Variants in BBS9 observed in about 807,000 individuals in gnomAD.
BBS9 encodes the protein protein PTHB1.
In BBS9, 89 loss-of-function variants were observed where a neutral mutation model predicts 117.7. The ratio of observed to expected loss-of-function variants is 0.76; its 90% CI spans 0.64 to 0.90. The LOEUF is 0.90. BBS9 is among the 40% of genes least tolerant of loss of function. BBS9 has a pLI of 0.00. For missense variants in BBS9, 982 were observed against 1,042.2 expected (o/e 0.94, Z 0.80); for synonymous variants, 379 against 370.9 (o/e 1.02, Z -0.25).
At chr7:33,271,852 A>G (rs7798118) in intron 7 of BBS9, among the ~76,000 whole-genome samples, 17,207 of 152,144 alleles carry the variant, frequency 0.11, 1,151 homozygotes, top group African/African-American at 0.18. Context: ...TACTTGACCA[A>G]ATGGACCTAA....
At chr7:33,434,223 G>C (rs1584811910) in intron 19 of BBS9, among the ~76,000 whole-genome samples, 1 of 148,914 alleles carries the variant, frequency 6.7e-6, no homozygotes, top group African/African-American at 2.5e-5. Flanking sequence ...AAAAACTCTT[G>C]ATACATATTG....
intron 5 of BBS9, among the ~76,000 whole-genome samples, chr7:33,189,714 C>T (rs908551130): frequency 3.3e-5 from 5 of 151,416 alleles, no homozygotes; most frequent in African/African-American, 4.9e-5. Context: ...GGTGAAACCC[C>T]GCCTCTACTA....
intron 21 of BBS9, among the ~76,000 whole-genome samples, chr7:33,634,722 G>C (rs1289139774): frequency 7.9e-5 from 12 of 152,208 alleles, no homozygotes; most frequent in Non-Finnish European, 1.6e-4. Context: ...CTGAGCTGAG[G>C]ATGTGTAAGC....
intron 19 of BBS9, among the ~76,000 whole-genome samples, chr7:33,440,729 A>C (rs1006886041): frequency 6.6e-6 from 1 of 152,262 alleles, no homozygotes; most frequent in African/African-American, 2.4e-5. Context: ...ATTTTTGAAT[A>C]TGGAAAAATT....
intron 5 of BBS9, among the ~76,000 whole-genome samples, chr7:33,207,308 G>A (rs1415634012): frequency 6.6e-6 from 1 of 152,070 alleles, no homozygotes; most frequent in African/African-American, 2.4e-5. Context: ...TTTCCAAATT[G>A]GCACTTCCTT....
At chr7:33,323,756 T>A (rs1390054410) in intron 9 of BBS9, among the ~76,000 whole-genome samples, 1 of 151,758 alleles carries the variant, frequency 6.6e-6, no homozygotes, top group African/African-American at 2.4e-5. Context: ...TCATTATTAA[T>A]AATTAAGGAC....
At position 33,514,134 on chromosome 7, in the gene BBS9, T is replaced by C. The variant is rs748538971; in HGVS notation, c.2298+8489T>C. Among the ~76,000 whole-genome samples the C allele has an allele frequency of 2.1e-3, 316 of 152,282 alleles. 3 individuals are homozygous for C. Among genetic ancestry groups the C allele is most frequent in the Non-Finnish European group, 1.1e-3 (74 of 68,022 alleles). Reference sequence around the variant, plus strand: ...TGAACAGAATTAGGTCAGACTGGGGTTCAAATCCCTTTTGGAACAAATACT... The same window carrying C: ...TGAACAGAATTAGGTCAGACTGGGGCTCAAATCCCTTTTGGAACAAATACT... On this transcript the variant is annotated intron_variant, in intron 20 of 22. Coordinates refer to ENST00000242067, the MANE Select transcript of BBS9 (RefSeq NM_198428.3).
At chr7:33,628,948 C>T (rs1340864188) in intron 21 of BBS9, among the ~76,000 whole-genome samples, 2 of 152,150 alleles carry the variant, frequency 1.3e-5, no homozygotes, top group East Asian at 3.8e-4. Flanking sequence ...ACAGTAAATG[C>T]AATGTAACAA....
chr7:33,605,287 C>A lies in BBS9; in HGVS notation c.*61C>A. On this transcript the variant is annotated 3_prime_UTR_variant, in exon 23 of 23. Coordinates refer to ENST00000242067, the MANE Select transcript of BBS9 (RefSeq NM_198428.3). ...CATCTCAAGGCCGAACCTGTGTGAA[C>A]CTCATGCCAAGCACAGATATAGGGC... 1 of 1,531,614 alleles carries A rather than the reference C, an allele frequency of 6.5e-7. No homozygotes were observed. The highest frequency in any genetic ancestry group is 2.2e-5 in the East Asian group (1 of 44,474). 94.9% of individuals were successfully genotyped at this position (1,531,614 alleles called of 1,614,324 possible). A position where few individuals can be genotyped will look rare whatever the true frequency, so the allele number is the denominator to read the frequency against.
At chr7:33,250,751 G>A (rs1796095646) in intron 5 of BBS9, among the ~76,000 whole-genome samples, 1 of 152,096 alleles carries the variant, frequency 6.6e-6, no homozygotes, top group Admixed American at 6.5e-5. Flanking sequence ...GCCAATCTGA[G>A]GTACAGATGA....
chr7:33,567,484 C>G (rs557171036), intron 21 of BBS9, among the ~76,000 whole-genome samples: 2 of 152,124 alleles, frequency 1.3e-5, no homozygotes, highest in Non-Finnish European at 2.9e-5. Flanking sequence ...CATCACTTTC[C>G]ACTGATTGTC....
intron 19 of BBS9, among the ~76,000 whole-genome samples, chr7:33,442,909 A>G (rs1009064443): frequency 5.9e-5 from 9 of 152,224 alleles, no homozygotes; most frequent in Non-Finnish European, 1.2e-4. Context: ...AACACTCCTT[A>G]GAAATAGCTT....
chr7:33,394,022 A>G lies in BBS9; in HGVS notation c.2115+5878A>G, dbSNP rs1584637395. ...TTGCCTACATAGTGTCTACTACTGC[A>G]TCATACTCCACTAGGAACATACAAC... On this transcript the variant is annotated intron_variant, in intron 19 of 22. Transcript: ENST00000242067. Among the ~76,000 whole-genome samples, 2 of 152,292 alleles carry G rather than the reference A, an allele frequency of 1.3e-5. 1 individual carries two copies. The highest frequency in any genetic ancestry group is 6.8e-3 in the Middle Eastern group (2 of 294).
chr7:33,185,468 T>C (rs1392202857), intron 5 of BBS9, among the ~76,000 whole-genome samples: 1 of 152,250 alleles, frequency 6.6e-6, no homozygotes, highest in East Asian at 1.9e-4. Flanking sequence ...TTTTTTCCAA[T>C]ATGAAAGTAG....
At chr7:33,325,138 A>G (rs1027483194) in intron 9 of BBS9, among the ~76,000 whole-genome samples, 5 of 152,130 alleles carry the variant, frequency 3.3e-5, no homozygotes, top group African/African-American at 1.2e-4. Context: ...GCTATTTTCT[A>G]GATCTTGTAG....
chr7:33,508,961 C>T (rs908372000), intron 20 of BBS9, among the ~76,000 whole-genome samples: 2 of 152,312 alleles, frequency 1.3e-5, no homozygotes, highest in African/African-American at 4.8e-5. Context: ...TTAGTCTCTC[C>T]TGAAAGCCCC....
chr7:33,431,880 T>G (rs938621977), intron 19 of BBS9, among the ~76,000 whole-genome samples: 1 of 152,138 alleles, frequency 6.6e-6, no homozygotes, highest in African/African-American at 2.4e-5. Flanking sequence ...CTGGGCATCT[T>G]TTTATAATAT....
At chr7:33,322,943 C>T (rs747610383) in intron 9 of BBS9, among the ~76,000 whole-genome samples, 7 of 152,042 alleles carry the variant, frequency 4.6e-5, no homozygotes, top group East Asian at 1.9e-4. Context: ...TTTCCATTAT[C>T]GTTTATTTCA....
At chr7:33,322,015 G>A (rs1811827849) in intron 9 of BBS9, among the ~76,000 whole-genome samples, 2 of 151,976 alleles carry the variant, frequency 1.3e-5, no homozygotes, top group Admixed American at 1.3e-4. Flanking sequence ...TTGATTTGAT[G>A]TATCACAATG....
Sources: allele counts gnomAD v4.1 joint callset (sites outside exome capture counted in the v4.1 genomes callset), GRCh38; gene constraint gnomAD v4.1.1; transcripts MANE v1.5; gene names NCBI Gene and HGNC (gene_info 2026-07-23, HGNC 2026-07-21).